The following STKLD1 variants were observed in gnomAD, a reference collection of about 807,000 sequenced individuals.
The protein encoded by STKLD1 is serine/threonine kinase-like domain-containing protein STKLD1.
A neutral mutation model predicts 80.4 loss-of-function variants in STKLD1; 79 were observed. The observed-to-expected ratio is 0.98, with a 90% CI of 0.82 to 1.19. The LOEUF is 1.19. Ranked by LOEUF, STKLD1 falls within the 50% of genes most tolerant of loss-of-function variation. The pLI, the probability that STKLD1 is intolerant of heterozygous loss-of-function variation, is 0.00. For missense variants in STKLD1, 841 were observed against 856.0 expected (o/e 0.98, Z 0.22); for synonymous variants, 393 against 357.6 (o/e 1.10, Z -1.12).
At position 133,389,270 on chromosome 9, in the gene STKLD1, AC is replaced by A; in HGVS notation, c.397-253del. ...GGTGCAGGGATGGGGCCCCTGCAGC[AC>A]CCAGGGTCTCTGGTATGGAGACAGC... On this transcript the variant is annotated intron_variant, in intron 5 of 17. Coordinates refer to ENST00000371957, the MANE Select transcript of STKLD1 (RefSeq NM_153710.5). This position sits in a 1 kb window ranked among gnomAD's most constrained non-coding sequence, Gnocchi z 6.4. 1.0e-6 allele frequency: 1 copy of A among 985,158 alleles called. No homozygotes were observed. Among genetic ancestry groups the A allele is most frequent in the Non-Finnish European group, 1.2e-6 (1 of 829,866 alleles). 61.0% of individuals were successfully genotyped at this position (985,158 alleles called of 1,614,324 possible).
chr9:133,383,270 T>G (rs2119210459), intron 2 of STKLD1, among the ~76,000 whole-genome samples: 1 of 51,912 alleles, frequency 1.9e-5, no homozygotes, highest in African/African-American at 7.0e-5. Context: ...GGAGTGATGG[T>G]GGTAATGGTG....
intron 7 of STKLD1, among the ~76,000 whole-genome samples, chr9:133,391,852 AAAAG>A (rs1387617299): frequency 2.1e-4 from 32 of 151,740 alleles, no homozygotes; most frequent in South Asian, 6.2e-4. Context: ...AAAAAAAAAA[AAAAG>A]AAAGAAAATG....
In STKLD1 at chr9:133,403,022, C is replaced by T. The variant is rs1460330771; in HGVS notation, c.1474+10C>T. 7.1e-6 allele frequency: 11 copies of T among 1,557,426 alleles called. No individual in the cohort carries two copies. The highest frequency in any genetic ancestry group is 9.6e-6 in the Non-Finnish European group (11 of 1,150,560). On this transcript the variant is annotated intron_variant, in intron 14 of 17. Coordinates refer to ENST00000371957, the MANE Select transcript of STKLD1 (RefSeq NM_153710.5). ...GCCCTCCTGCTGGACGGTGAGGGGCCCTCCTCCTGCTGTCCCACCGGGGCT... is the reference window on the plus strand; with the variant it reads ...GCCCTCCTGCTGGACGGTGAGGGGCTCTCCTCCTGCTGTCCCACCGGGGCT...
intron 2 of STKLD1, 145 bp downstream of exon 2, chr9:133,379,267 G>A: frequency 1.5e-6 from 1 of 670,304 alleles, no homozygotes; most frequent in East Asian, 2.9e-5. Context: ...TAATCTGGTT[G>A]GGGTAGATGT....
chr9:133,398,192 G>A, intron 11 of STKLD1, 137 bp downstream of exon 11: 1 of 714,516 alleles, frequency 1.4e-6, no homozygotes, highest in Non-Finnish European at 2.3e-6. Flanking sequence ...AGGCGTGCAT[G>A]TGTCCCCAGA....
intron 8 of STKLD1, among the ~76,000 whole-genome samples, chr9:133,395,245 G>C (rs1838529435): frequency 6.6e-6 from 1 of 152,180 alleles, no homozygotes; most frequent in Non-Finnish European, 1.5e-5. Context: ...CGGAGGCTGT[G>C]TGACATCCTG....
chr9:133,402,854 G>C, intron 13 of STKLD1, 24 bp from the exon 14 acceptor site: 1 of 1,592,478 alleles, frequency 6.3e-7, no homozygotes, highest in Non-Finnish European at 8.6e-7. Context: ...GGGCCCTGGG[G>C]CCCTCATTCT....
chr9:133,378,545 A>G (rs142970776), intron 1 of STKLD1, among the ~76,000 whole-genome samples: 19 of 152,324 alleles, frequency 1.2e-4, no homozygotes, highest in Non-Finnish European at 2.1e-4. Flanking sequence ...GTTTTCCCCA[A>G]TGTAAACACA....
intron 11 of STKLD1, among the ~76,000 whole-genome samples, chr9:133,398,258 T>C (rs1838612969): frequency 6.6e-6 from 1 of 152,084 alleles, no homozygotes; most frequent in Non-Finnish European, 1.5e-5. Flanking sequence ...GGGGAATGGG[T>C]GGTGTGGCAG....
At chr9:133,404,104 C>G (rs1838779769) in intron 16 of STKLD1, 56 bp downstream of exon 16, 2 of 1,501,946 alleles carry the variant, frequency 1.3e-6, no homozygotes, top group Admixed American at 4.7e-5. Flanking sequence ...AGAATCAGCC[C>G]CCATCAGTTA....
chr9:133,405,342 G>C lies in STKLD1; in HGVS notation c.1964G>C (p.Ser655Thr). Reference sequence around the variant, plus strand: ...TTCACCTCCAGCCTGGTGAGTGACAGCAGCGCCTTCAGCAAACCAGGCCTC... The same window carrying C: ...TTCACCTCCAGCCTGGTGAGTGACACCAGCGCCTTCAGCAAACCAGGCCTC... ...ERFTSSLVSD[S>T]SAFSKPGLPP... is the part of the protein sequence containing the mutation. The change falls in exon 18 of 18, where the codon AGC becomes ACC. Residue 655 changes from serine (S) to threonine (T), a missense_variant. Coordinates refer to ENST00000371957, the MANE Select transcript of STKLD1 (RefSeq NM_153710.5). 6.2e-7 allele frequency: 1 copy of C among 1,612,818 alleles called. No individual in the cohort carries two copies. The highest frequency in any genetic ancestry group is 8.5e-7 in the Non-Finnish European group (1 of 1,179,930).
intron 5 of STKLD1, chr9:133,388,757 A>G (rs1229164102): frequency 2.0e-6 from 2 of 985,236 alleles, no homozygotes; most frequent in Non-Finnish European, 1.2e-6. Flanking sequence ...GATGAATGCT[A>G]CCTGCTTTTA....
chr9:133,378,987 G>C, intron 1 of STKLD1, 49 bp from the exon 2 acceptor site: 1 of 1,565,820 alleles, frequency 6.4e-7, no homozygotes, highest in East Asian at 2.3e-5. Context: ...TTTTGGAAAG[G>C]GAAAAGTTGT....
chr9:133,401,122 G>GA (rs1207645195), intron 12 of STKLD1, among the ~76,000 whole-genome samples: 1 of 146,610 alleles, frequency 6.8e-6, no homozygotes, highest in Non-Finnish European at 1.5e-5. Flanking sequence ...GATTTTTTTT[G>GA]AAACAAAAAG....
rs1838672979 is a variant in STKLD1 at position 133,400,443 on chromosome 9, T to C, written c.1112T>C (p.Val371Ala). 1.9e-6 allele frequency: 3 copies of C among 1,612,662 alleles called. No individual in the cohort carries two copies. The highest frequency in any genetic ancestry group is 1.7e-6 in the Non-Finnish European group (2 of 1,179,900). Residue 371 changes from valine to alanine, a missense_variant, in exon 12 of 18, where the codon GTG (valine) becomes GCG (alanine). Coordinates refer to ENST00000371957, the MANE Select transcript of STKLD1 (RefSeq NM_153710.5). ...CCGTGGCCCCCGGAGCTGGTGGAGG[T>C]GGTGGTCACGACCATGGAGCTACAT... ...GLPWPPELVE[V>A]VVTTMELHDR...
rs1257027885 is a variant in STKLD1, at chr9:133,385,426, T to G, written c.220-191T>G. On this transcript the variant is annotated intron_variant, in intron 3 of 17. Transcript: ENST00000371957. The surrounding 1 kb of genome is among the most constrained non-coding windows in gnomAD (Gnocchi z 4.9). ...GGCCCAGTCACCCAGCACAGCCAGC[T>G]CATGCTGGAGACAGGACCCACATCG... Among the ~76,000 whole-genome samples, 1 of 152,142 alleles carries G rather than the reference T, an allele frequency of 6.6e-6. No homozygotes were observed. The highest frequency in any genetic ancestry group is 1.5e-5 in the Non-Finnish European group (1 of 68,032).
rs1838776055 is a variant in STKLD1, at chr9:133,403,988, G to A, written c.1672G>A (p.Asp558Asn). 6.2e-7 allele frequency: 1 copy of A among 1,612,150 alleles called. No individual in the cohort carries two copies. The highest frequency in any genetic ancestry group is 2.2e-5 in the East Asian group (1 of 44,872). Residue 558 changes from aspartate (D) to asparagine (N), a missense_variant, in exon 16 of 18, where the codon GAC becomes AAC. Transcript: ENST00000371957. ...LLLQSIRLCQ[D>N]RALLVNNAYR... ...CCTGCAAAGCATCCGGCTGTGCCAG[G>A]ACAGAGCCCTGCTGGTGAACAATGC...
intron 9 of STKLD1, 38 bp from the exon 10 acceptor site, chr9:133,397,126 G>C (rs782425892): frequency 1.2e-6 from 2 of 1,611,116 alleles, no homozygotes; most frequent in Non-Finnish European, 1.7e-6. Flanking sequence ...GGCAGGGGGC[G>C]CTGCTGGGTT....
At chr9:133,382,746 A>G (rs892820884) in intron 2 of STKLD1, among the ~76,000 whole-genome samples, 2 of 144,790 alleles carry the variant, frequency 1.4e-5, no homozygotes, top group African/African-American at 2.6e-5. Flanking sequence ...GATGGTGGTA[A>G]TGATGATGGT....
Sources: gnomAD v4.1 joint callset for allele counts (sites outside exome capture counted in the v4.1 genomes callset) on GRCh38, gnomAD v4.1.1 for gene constraint, Gnocchi (gnomAD v3.1) non-coding constraint, MANE v1.5 for transcripts, NCBI Gene and HGNC (gene_info 2026-07-23, HGNC 2026-07-21) for gene names.